Variants in BMPR1A observed in about 807,000 individuals in gnomAD.
BMPR1A encodes bone morphogenetic protein receptor type 1A.
Under a neutral mutation model 66.0 loss-of-function variants are expected in BMPR1A, and 7 were observed. The ratio of observed to expected loss-of-function variants is 0.11; its 90% CI spans 0.06 to 0.20. The LOEUF is 0.20. Among genes scored for constraint, BMPR1A ranks in the 10% least tolerant of loss-of-function variants. BMPR1A has a pLI of 1.00. For missense variants in BMPR1A, 408 were observed against 669.1 expected (o/e 0.61, Z 4.31); for synonymous variants, 200 against 229.7 (o/e 0.87, Z 1.17).
chr10:86,845,281 C>G (rs1842468850), intron 2 of BMPR1A, among the ~76,000 whole-genome samples: 1 of 152,204 alleles, frequency 6.6e-6, no homozygotes, highest in Non-Finnish European at 1.5e-5. Context: ...CCAGTTCCCC[C>G]TGCGGGCAGC....
chr10:86,832,063 G>A (rs901185580), intron 1 of BMPR1A, among the ~76,000 whole-genome samples: 2 of 152,142 alleles, frequency 1.3e-5, no homozygotes, highest in African/African-American at 2.4e-5. Flanking sequence ...CCTGTGGAAC[G>A]AACTGTAGCA....
intron 1 of BMPR1A, among the ~76,000 whole-genome samples, chr10:86,822,625 C>CCT (rs10647119): frequency 0.48 from 72,678 of 151,310 alleles, 19,268 homozygotes; most frequent in African/African-American, 0.7. Flanking sequence ...TTTTTTTTCC[C>CCT]GTTTTTATTT....
At chr10:86,849,278 A>G (rs1167112881) in intron 2 of BMPR1A, among the ~76,000 whole-genome samples, 2 of 152,180 alleles carry the variant, frequency 1.3e-5, no homozygotes, top group African/African-American at 4.8e-5. Context: ...ATCTCACTCT[A>G]TTCCTTATCT....
rs576419482 is a variant in BMPR1A, at chr10:86,802,056, C to T, written c.-267-36809C>T. 4.6e-5 allele frequency among the ~76,000 whole-genome samples: 7 copies of T among 152,244 alleles called. No homozygotes were observed. In the South Asian group the frequency reaches 1.5e-3, roughly 32 times the overall value. ...CTCTTGTCCACCACAGTTTGCATTC[C>T]TCAGGCCATTTTTGTCTGCGTCGTT... is the stretch of plus-strand genomic sequence containing the variant. On this transcript the variant is annotated intron_variant, in intron 1 of 12. Coordinates refer to ENST00000372037, the MANE Select transcript of BMPR1A (RefSeq NM_004329.3).
chr10:86,769,355 A>G (rs1841214307), intron 1 of BMPR1A, among the ~76,000 whole-genome samples: 1 of 152,340 alleles, frequency 6.6e-6, no homozygotes, highest in Non-Finnish European at 1.5e-5. Flanking sequence ...GCTGTAATGC[A>G]TTATGAGAAT....
At chr10:86,777,947 A>T (rs1217399334) in intron 1 of BMPR1A, among the ~76,000 whole-genome samples, 1 of 151,750 alleles carries the variant, frequency 6.6e-6, no homozygotes, top group South Asian at 2.1e-4. Flanking sequence ...CAGGAGGCAG[A>T]GGTTGCAGTG....
chr10:86,923,311 T>G, intron 11 of BMPR1A, 65 bp from the exon 12 acceptor site: 2 of 1,600,884 alleles, frequency 1.2e-6, no homozygotes, highest in Non-Finnish European at 1.7e-6. Flanking sequence ...CAAAAGATGC[T>G]TACTAGATTG....
At chr10:86,900,413 T>C (rs1177393513) in intron 7 of BMPR1A, among the ~76,000 whole-genome samples, 1 of 151,562 alleles carries the variant, frequency 6.6e-6, no homozygotes, top group Non-Finnish European at 1.5e-5. Flanking sequence ...AGAAACCCAC[T>C]GTGTTATAAT....
chr10:86,764,244 G>GAA lies in BMPR1A; in HGVS notation c.-268+7326_-268+7327dup, dbSNP rs10635482. Among the ~76,000 whole-genome samples, 24,543 of 152,104 alleles carry GAA rather than the reference G, an allele frequency of 0.16. 2,595 individuals are homozygous for GAA. The highest frequency in any genetic ancestry group is 0.3 in the African/African-American group (12,302 of 41,442). On this transcript the variant is annotated intron_variant, in intron 1 of 12. Transcript: ENST00000372037. ...GAATGTTTTAGATTCCTGGCTAAAAGAAGCTCTTGTTAGAAAATATTAAAG... is the reference window on the plus strand; with the variant it reads ...GAATGTTTTAGATTCCTGGCTAAAAGAAAAGCTCTTGTTAGAAAATATTAAAG...
At chr10:86,815,200 G>C (rs1286862212) in intron 1 of BMPR1A, among the ~76,000 whole-genome samples, 1 of 152,144 alleles carries the variant, frequency 6.6e-6, no homozygotes, top group Non-Finnish European at 1.5e-5. Context: ...AGTGACTCAG[G>C]ATAGCATTTC....
chr10:86,893,093 C>A (rs1564715836), intron 5 of BMPR1A, among the ~76,000 whole-genome samples: 1 of 151,720 alleles, frequency 6.6e-6, no homozygotes, highest in African/African-American at 2.4e-5. Flanking sequence ...GTCATGACTG[C>A]AAAAAAATTA....
At chr10:86,856,331 G>T in intron 2 of BMPR1A, 1 of 432,206 alleles carries the variant, frequency 2.3e-6, no homozygotes, top group African/African-American at 2.1e-5. Context: ...TGCAGCCCAG[G>T]GCAGTCAGCC....
intron 7 of BMPR1A, among the ~76,000 whole-genome samples, chr10:86,911,864 G>A (rs1843493592): frequency 6.6e-6 from 1 of 152,088 alleles, no homozygotes; most frequent in African/African-American, 2.4e-5. Flanking sequence ...TTAAAAGAAG[G>A]CATTGTTTCA....
intron 2 of BMPR1A, among the ~76,000 whole-genome samples, chr10:86,871,632 C>T (rs1355304498): frequency 6.6e-6 from 1 of 151,946 alleles, no homozygotes. Flanking sequence ...GGCAACATGG[C>T]AAACCCCATC....
chr10:86,840,473 C>G (rs1320244917), intron 2 of BMPR1A, among the ~76,000 whole-genome samples: 2 of 152,124 alleles, frequency 1.3e-5, no homozygotes, highest in African/African-American at 2.4e-5. Context: ...TCCTTCCCCT[C>G]CTACTCTTAA....
chr10:86,764,745 A>G (rs182330332), intron 1 of BMPR1A, among the ~76,000 whole-genome samples: 4 of 152,318 alleles, frequency 2.6e-5, no homozygotes, highest in Non-Finnish European at 5.9e-5. Context: ...ACTGTCCACT[A>G]CAATAGATAG....
At chr10:86,834,684 G>A (rs752859857) in intron 1 of BMPR1A, among the ~76,000 whole-genome samples, 1 of 152,084 alleles carries the variant, frequency 6.6e-6, no homozygotes, top group East Asian at 1.9e-4. Flanking sequence ...TATTATAGGG[G>A]TGCATGGTAT....
intron 8 of BMPR1A, among the ~76,000 whole-genome samples, chr10:86,914,840 G>A (rs1290061139): frequency 2.6e-5 from 4 of 152,156 alleles, no homozygotes; most frequent in Non-Finnish European, 2.9e-5. Flanking sequence ...GTACAATGAA[G>A]CAATCCTTCT....
At chr10:86,893,230 C>T (rs1401844865) in intron 5 of BMPR1A, among the ~76,000 whole-genome samples, 1 of 151,902 alleles carries the variant, frequency 6.6e-6, no homozygotes, top group East Asian at 1.9e-4. Context: ...CTAGGGTAAC[C>T]ACTAAAGTTG....
Sources: gnomAD v4.1 joint callset for allele counts (sites outside exome capture counted in the v4.1 genomes callset) on GRCh38, gnomAD v4.1.1 for gene constraint, MANE v1.5 for transcripts, NCBI Gene and HGNC (gene_info 2026-07-23, HGNC 2026-07-21) for gene names.